GATAD2B: variants seen among roughly 807,000 people sequenced by gnomAD.
GATAD2B encodes GATA zinc finger domain containing 2B, also known as transcriptional repressor p66-beta.
A neutral mutation model predicts 64.3 loss-of-function variants in GATAD2B; 8 were observed. The ratio of observed to expected loss-of-function variants is 0.12; its 90% CI spans 0.07 to 0.22. The LOEUF is 0.22. Ranked by LOEUF, GATAD2B falls within the 10% of genes least tolerant of loss-of-function variation. The pLI is 1.00. For missense variants in GATAD2B, 453 were observed against 752.0 expected (o/e 0.60, Z 4.65); for synonymous variants, 281 against 271.3 (o/e 1.04, Z -0.35).
intron 1 of GATAD2B, among the ~76,000 whole-genome samples, chr1:153,915,128 C>T (rs746109216): frequency 1.9e-4 from 29 of 152,122 alleles, no homozygotes; most frequent in African/African-American, 6.5e-4. Context: ...GAAGCTGAGG[C>T]GGGAGGATCA....
chr1:153,812,291 A>G (rs1183941436), intron 8 of GATAD2B, 159 bp from the exon 9 acceptor site: 3 of 581,138 alleles, frequency 5.2e-6, no homozygotes, highest in Non-Finnish European at 9.1e-6. Flanking sequence ...TAGCCTCCCC[A>G]AAGTGCTGGG....
chr1:153,816,772 A>G lies in GATAD2B; in HGVS notation c.901-184T>C, dbSNP rs1279617030. Among the ~76,000 whole-genome samples the G allele has an allele frequency of 6.6e-6, 1 of 152,222 alleles. No homozygotes were observed. Among genetic ancestry groups the G allele is most frequent in the African/African-American group, 2.4e-5 (1 of 41,456 alleles). On this transcript the variant is annotated intron_variant, in intron 6 of 10. Coordinates refer to ENST00000368655, the MANE Select transcript of GATAD2B (RefSeq NM_020699.4). This position sits in a 1 kb window ranked among gnomAD's most constrained non-coding sequence, Gnocchi z 4.9. ...ATAGGAAAGGAGAATGATGATGACCATGAGCTAACATTGCTAAGAGAGAAA... is the reference window on the plus strand; with the variant it reads ...ATAGGAAAGGAGAATGATGATGACCGTGAGCTAACATTGCTAAGAGAGAAA...
At chr1:153,820,152 G>A (rs559233441) in intron 2 of GATAD2B, among the ~76,000 whole-genome samples, 42 of 151,022 alleles carry the variant, frequency 2.8e-4, no homozygotes, top group African/African-American at 9.5e-4. Flanking sequence ...GTACTGAAGA[G>A]TACACAAAAG....
At chr1:153,861,343 G>C (rs981437883) in intron 1 of GATAD2B, among the ~76,000 whole-genome samples, 1 of 151,916 alleles carries the variant, frequency 6.6e-6, no homozygotes, top group African/African-American at 2.4e-5. Context: ...CTTAAGGCCA[G>C]GAGTTCAAGA....
chr1:153,855,221 TTTTG>T, intron 1 of GATAD2B, among the ~76,000 whole-genome samples: 1 of 32,406 alleles, frequency 3.1e-5, no homozygotes, highest in Non-Finnish European at 9.6e-5. Flanking sequence ...TTAGCTTTCT[TTTTG>T]TTTTTTTTTT....
chr1:153,827,679 C>T, intron 2 of GATAD2B: 1 of 252,864 alleles, frequency 4.0e-6, no homozygotes, highest in East Asian at 8.0e-5. Context: ...GACAAAAAGA[C>T]TATTTTTCTC....
chr1:153,821,707 G>A (rs919443107), intron 2 of GATAD2B, among the ~76,000 whole-genome samples: 2 of 151,974 alleles, frequency 1.3e-5, no homozygotes, highest in African/African-American at 4.8e-5. Context: ...GGGATTACAG[G>A]TACCCGGCAC....
At chr1:153,896,641 G>A (rs1677603056) in intron 1 of GATAD2B, among the ~76,000 whole-genome samples, 1 of 151,882 alleles carries the variant, frequency 6.6e-6, no homozygotes, top group Non-Finnish European at 1.5e-5. Flanking sequence ...TCTCCATGTT[G>A]GTCAGGCTGG....
At chr1:153,905,553 G>GAAAAAAAAAAAAAA (rs769120730) in intron 1 of GATAD2B, among the ~76,000 whole-genome samples, 1 of 64,658 alleles carries the variant, frequency 1.5e-5, no homozygotes, top group East Asian at 4.5e-4. Context: ...AACAATTTTG[G>GAAAAAAAAAAAAAA]AAAAAAAAAA....
chr1:153,861,446 GA>G (rs1557809574), intron 1 of GATAD2B, among the ~76,000 whole-genome samples: 1 of 150,712 alleles, frequency 6.6e-6, no homozygotes, highest in African/African-American at 2.4e-5. Flanking sequence ...AAAAAAAGAG[GA>G]AAAAAAGGTT....
At chr1:153,909,237 G>A (rs548974369) in intron 1 of GATAD2B, among the ~76,000 whole-genome samples, 8 of 151,392 alleles carry the variant, frequency 5.3e-5, no homozygotes, top group East Asian at 2.0e-4. Context: ...TTTTTGACAC[G>A]GAGTCTTGCT....
intron 1 of GATAD2B, among the ~76,000 whole-genome samples, chr1:153,912,338 CAAAAT>C (rs1678132052): frequency 1.3e-5 from 2 of 152,090 alleles, no homozygotes; most frequent in Non-Finnish European, 2.9e-5. Flanking sequence ...GAATCCGTCT[CAAAAT>C]AAATAAATAA....
chr1:153,838,900 G>A (rs1675369777), intron 1 of GATAD2B, among the ~76,000 whole-genome samples: 1 of 151,954 alleles, frequency 6.6e-6, no homozygotes, highest in African/African-American at 2.4e-5. Flanking sequence ...ATTTGAGGCT[G>A]GGAGTTCGAG....
intron 1 of GATAD2B, among the ~76,000 whole-genome samples, chr1:153,859,892 ATTTTC>A (rs1292192915): frequency 5.2e-4 from 58 of 111,622 alleles, no homozygotes; most frequent in South Asian, 5.9e-4. Flanking sequence ...CTGTCAAGGA[ATTTTC>A]TTTTCTTTTC....
intron 1 of GATAD2B, among the ~76,000 whole-genome samples, chr1:153,901,290 G>A (rs536513647): frequency 6.6e-6 from 1 of 152,124 alleles, no homozygotes; most frequent in East Asian, 1.9e-4. Context: ...TGGAGAGGTT[G>A]CAGTGAGCCA....
intron 2 of GATAD2B, among the ~76,000 whole-genome samples, chr1:153,827,348 C>G (rs1465888858): frequency 6.6e-6 from 1 of 151,760 alleles, no homozygotes; most frequent in Non-Finnish European, 1.5e-5. Flanking sequence ...CAGGGAGACT[C>G]AACCATTGGC....
intron 1 of GATAD2B, among the ~76,000 whole-genome samples, chr1:153,891,220 G>T (rs1677387573): frequency 6.7e-6 from 1 of 149,194 alleles, no homozygotes; most frequent in Non-Finnish European, 1.5e-5. Flanking sequence ...GAAAGGAAAG[G>T]AAAAAGGGAA....
At chr1:153,861,583 A>G (rs1676281356) in intron 1 of GATAD2B, among the ~76,000 whole-genome samples, 1 of 150,336 alleles carries the variant, frequency 6.7e-6, no homozygotes, top group African/African-American at 2.4e-5. Context: ...GGAGTTCGAG[A>G]CCAGCCTGGC....
At chr1:153,895,051 G>A (rs1015462920) in intron 1 of GATAD2B, among the ~76,000 whole-genome samples, 4 of 152,166 alleles carry the variant, frequency 2.6e-5, no homozygotes, top group African/African-American at 9.7e-5. Context: ...CCAGCTACTT[G>A]GGAGGCTGAG....
Sources: gnomAD v4.1 joint callset for allele counts (sites outside exome capture counted in the v4.1 genomes callset) on GRCh38, gnomAD v4.1.1 for gene constraint, Gnocchi (gnomAD v3.1) non-coding constraint, MANE v1.5 for transcripts, NCBI Gene and HGNC (gene_info 2026-07-23, HGNC 2026-07-21) for gene names.